Variants in PRKCSH observed in about 807,000 individuals in gnomAD.
The protein encoded by PRKCSH is glucosidase 2 subunit beta.
PRKCSH carries 42 observed loss-of-function variants against 79.7 expected under a neutral mutation model. That is an observed-to-expected ratio of 0.53 (90% CI 0.41 to 0.68). PRKCSH has a LOEUF of 0.68. PRKCSH is among the 30% of genes least tolerant of loss of function. The probability of loss-of-function intolerance (pLI) is 0.00; values close to 1 mark genes in which losing one functional copy is unlikely to be tolerated. For synonymous variants in PRKCSH, 325 were observed against 288.2 expected, an observed-to-expected ratio of 1.13 and a Z score of -1.29; for missense variants, 686 against 709.0, an observed-to-expected ratio of 0.97 and a Z score of 0.37.
intron 5 of PRKCSH, among the ~76,000 whole-genome samples, chr19:11,439,076 CTT>C: frequency 6.6e-6 from 1 of 152,078 alleles, no homozygotes; most frequent in East Asian, 2.0e-4. Context: ...GCCTGGCTAA[CTT>C]TTGTATTTTT....
chr19:11,445,324 TGGGGTGCGG>T, intron 7 of PRKCSH, 56 bp from the exon 8 acceptor site: 1 of 1,525,480 alleles, frequency 6.6e-7, no homozygotes, highest in African/African-American at 1.4e-5. Flanking sequence ...AACGACCCTG[TGGGGTGCGG>T]GGGCTGATGG....
chr19:11,444,603 A>C (rs1970209168), intron 7 of PRKCSH, among the ~76,000 whole-genome samples: 1 of 152,150 alleles, frequency 6.6e-6, no homozygotes, highest in Non-Finnish European at 1.5e-5. Flanking sequence ...ATACAGTGGG[A>C]ACTGAATCCT....
intron 7 of PRKCSH, 74 bp downstream of exon 7, chr19:11,442,589 C>T (rs1434804379): frequency 8.3e-6 from 13 of 1,567,572 alleles, no homozygotes; most frequent in African/African-American, 1.4e-5. Flanking sequence ...GTCTCCCGCT[C>T]ATTATCTGTT....
Position 11,437,316 on chromosome 19 carries a change from G to A in PRKCSH, c.197-560G>A, listed in dbSNP as rs370472795. On this transcript the variant is annotated intron_variant, in intron 3 of 17. Transcript: ENST00000677123. ...GCCTCCCAAAGTGTTGGGATTACAGGCGTGAGCCACCGTACCTGGCCTTGT... is the reference window on the plus strand; with the variant it reads ...GCCTCCCAAAGTGTTGGGATTACAGACGTGAGCCACCGTACCTGGCCTTGT... 5.4e-3 allele frequency among the ~76,000 whole-genome samples: 816 copies of A among 151,770 alleles called. 8 individuals carry two copies. The highest frequency in any genetic ancestry group is 0.013 in the South Asian group (62 of 4,806).
Position 11,447,508 on chromosome 19 carries a change from G to T in PRKCSH, c.919G>T (p.Val307Leu), listed in dbSNP as rs1470802309. 1 of 1,613,442 alleles carries T rather than the reference G, an allele frequency of 6.2e-7. No individual in the cohort carries two copies. Among genetic ancestry groups the T allele is most frequent in the East Asian group, 2.2e-5 (1 of 44,854 alleles). ...LTEPKEEQPP[V>L]PSSPTEEEEE... is the part of the protein sequence containing the mutation. ...GGAGCCCAAGGAGGAGCAGCCGCCA[G>T]TGCCCTCGTCGCCCACAGAGGAGGA... is the stretch of plus-strand genomic sequence containing the variant. The change falls in exon 11 of 18, where the codon GTG becomes TTG. Residue 307 changes from valine to leucine, a missense_variant. Around this residue, in one of 2 missense-constraint regions of PRKCSH, gnomAD observed 549 missense variants for 520.2 expected, o/e 1.06. Transcript: ENST00000677123. The surrounding 1 kb of genome is among the most constrained non-coding windows in gnomAD (Gnocchi z 5.6).
At chr19:11,440,536 T>C (rs986250177) in intron 5 of PRKCSH, among the ~76,000 whole-genome samples, 17 of 151,288 alleles carry the variant, frequency 1.1e-4, no homozygotes, top group African/African-American at 4.1e-4. Flanking sequence ...AACCTCCACA[T>C]CCGGGTTCAA....
At position 11,449,058 on chromosome 19, in the gene PRKCSH, A is replaced by C. The variant is rs1299665035; in HGVS notation, c.1362-18A>C. 2 of 1,612,800 alleles carry C rather than the reference A, an allele frequency of 1.2e-6. No individual in the cohort carries two copies. The highest frequency in any genetic ancestry group is 1.3e-5 in the African/African-American group (1 of 74,770). ...CCCCGACACCGGCCCAGCCCTCAGC[A>C]CCCTGTGTCTCTCACAGCACCTGGG... On this transcript the variant is annotated intron_variant, in intron 15 of 17. Coordinates refer to ENST00000677123, the MANE Select transcript of PRKCSH (RefSeq NM_001289104.2). This position sits in a 1 kb window ranked among gnomAD's most constrained non-coding sequence, Gnocchi z 6.4.
At chr19:11,443,901 G>T (rs796879498) in intron 7 of PRKCSH, among the ~76,000 whole-genome samples, 16 of 152,126 alleles carry the variant, frequency 1.1e-4, no homozygotes, top group African/African-American at 3.9e-4. Context: ...TAGGCTTCCT[G>T]AGTAGCTGGG....
At chr19:11,446,167 C>G in intron 8 of PRKCSH, 105 bp from the exon 9 acceptor site, 1 of 1,278,250 alleles carries the variant, frequency 7.8e-7, no homozygotes, top group Middle Eastern at 2.6e-4. Flanking sequence ...GAAGCAAGTT[C>G]CAGGGTGGGG....
intron 9 of PRKCSH, 105 bp from the exon 10 acceptor site, chr19:11,446,969 G>A (rs1052759716): frequency 2.8e-5 from 35 of 1,262,538 alleles, no homozygotes; most frequent in African/African-American, 7.4e-5. Flanking sequence ...ATCAGGGCCC[G>A]GGGCCCAGCC....
rs973571335 is a variant in PRKCSH at position 11,435,705 on chromosome 19, G to C, written c.-79G>C. ...GGATACTGACCTTTGCTCCGGCCTC[G>C]TGTAGGTGTGAACGAGCGGGTGGGA... On this transcript the variant is annotated splice_region_variant and 5_prime_UTR_variant, in exon 1 of 18. Coordinates refer to ENST00000677123, the MANE Select transcript of PRKCSH (RefSeq NM_001289104.2). 1 of 1,319,116 alleles carries C rather than the reference G, an allele frequency of 7.6e-7. No homozygotes were observed. 81.7% of individuals were successfully genotyped at this position (1,319,116 alleles called of 1,614,324 possible). A position where few individuals can be genotyped will look rare whatever the true frequency, so the allele number is the denominator to read the frequency against.
At chr19:11,446,638 C>T (rs1311308106) in intron 9 of PRKCSH, among the ~76,000 whole-genome samples, 1 of 151,052 alleles carries the variant, frequency 6.6e-6, no homozygotes, top group Non-Finnish European at 1.5e-5. Flanking sequence ...TCCTCCCCCA[C>T]ACCCTCGTCC....
At position 11,446,347 on chromosome 19, in the gene PRKCSH, T is replaced by C. The variant is rs1458187688; in HGVS notation, c.759T>C (p.Ala253=). The C allele has an allele frequency of 6.2e-7, 1 of 1,613,088 alleles. No individual in the cohort carries two copies. Among genetic ancestry groups the C allele is most frequent in the Non-Finnish European group, 8.5e-7 (1 of 1,179,496 alleles). The change falls in exon 9 of 18, where the codon GCT becomes GCC. Residue 253 remains alanine, a synonymous_variant. Transcript: ENST00000677123. ...DGDGALSEAE[A]QALLSGDTQT... is the part of the protein sequence containing the mutation. ...ATGGGGCGTTGTCAGAAGCGGAAGCTCAGGTACCCCCGGCTGCCCCTTGGT... is the reference window on the plus strand; with the variant it reads ...ATGGGGCGTTGTCAGAAGCGGAAGCCCAGGTACCCCCGGCTGCCCCTTGGT...
chr19:11,447,019 C>T lies in PRKCSH; in HGVS notation c.763-55C>T, dbSNP rs1348835196. The stretch of plus-strand genomic sequence containing the variant: ...ACCGCAGCCCGGGTGCCGGGGTGGC[C>T]GAGATGGGGGACACGTGGTGGCCTA... On this transcript the variant is annotated intron_variant, in intron 9 of 17. Coordinates refer to ENST00000677123, the MANE Select transcript of PRKCSH (RefSeq NM_001289104.2). The surrounding 1 kb of genome is among the most constrained non-coding windows in gnomAD (Gnocchi z 5.6). The T allele has an allele frequency of 7.6e-6, 12 of 1,584,446 alleles. No individual in the cohort carries two copies. The highest frequency in any genetic ancestry group is 1.7e-5 in the Admixed American group (1 of 59,950).
intron 7 of PRKCSH, among the ~76,000 whole-genome samples, chr19:11,442,909 G>A (rs1970129040): frequency 6.6e-6 from 1 of 151,952 alleles, no homozygotes; most frequent in Non-Finnish European, 1.5e-5. Context: ...TCACAATGTT[G>A]GCCAGGCTGG....
In PRKCSH at chr19:11,449,286, A is replaced by G. The variant is rs369863173; in HGVS notation, c.1482A>G (p.Lys494=). ...CCCAGGTGCGCCTCCTGTGCGGGAA[A>G]GAGACCATGGTGACCAGCACCACAG... ...RSTTVRLLCG[K]ETMVTSTTEP... is the part of the protein sequence containing the mutation. The change falls in exon 17 of 18, where the codon AAA becomes AAG. Residue 494 remains lysine, a synonymous_variant. Transcript: ENST00000677123. This position sits in a 1 kb window ranked among gnomAD's most constrained non-coding sequence, Gnocchi z 6.4. The G allele has an allele frequency of 1.1e-5, 18 of 1,613,592 alleles. No individual in the cohort carries two copies. Among genetic ancestry groups the G allele is most frequent in the Non-Finnish European group, 1.4e-5 (17 of 1,179,948 alleles).
At chr19:11,436,578 C>A in intron 3 of PRKCSH, 73 bp downstream of exon 3, 1 of 1,193,990 alleles carries the variant, frequency 8.4e-7, no homozygotes, top group Non-Finnish European at 1.2e-6. Context: ...TCTGTGTGAC[C>A]AAGATACTAC....
At chr19:11,443,302 C>T (rs1349245468) in intron 7 of PRKCSH, among the ~76,000 whole-genome samples, 3 of 151,810 alleles carry the variant, frequency 2.0e-5, no homozygotes, top group Non-Finnish European at 4.4e-5. Context: ...AATCCCAGCA[C>T]TTTGGGAGGC....
intron 7 of PRKCSH, among the ~76,000 whole-genome samples, chr19:11,444,144 G>A (rs1970189463): frequency 6.6e-6 from 1 of 152,204 alleles, no homozygotes; most frequent in Non-Finnish European, 1.5e-5. Context: ...TTTTTGGTAA[G>A]GCCACATTGC....
Sources: gnomAD v4.1 joint callset for allele counts (sites outside exome capture counted in the v4.1 genomes callset) on GRCh38, gnomAD v4.1.1 for gene constraint, gnomAD v4.1.1 regional missense constraint, Gnocchi (gnomAD v3.1) non-coding constraint, MANE v1.5 for transcripts, NCBI Gene and HGNC (gene_info 2026-07-23, HGNC 2026-07-21) for gene names.